Variants in SEMA3C observed in about 807,000 individuals in gnomAD.
SEMA3C encodes the protein semaphorin 3C.
Under a neutral mutation model 89.4 loss-of-function variants are expected in SEMA3C, and 47 were observed. The observed-to-expected ratio is 0.53, with a 90% CI of 0.42 to 0.67. SEMA3C has a LOEUF of 0.67. SEMA3C is among the 30% of genes least tolerant of loss of function. SEMA3C has a pLI of 0.00. For synonymous variants in SEMA3C, 310 were observed against 320.2 expected (o/e 0.97, Z 0.34); for missense variants, 839 against 929.1 (o/e 0.90, Z 1.26).
intron 2 of SEMA3C, among the ~76,000 whole-genome samples, chr7:80,830,849 G>A (rs1230183029): frequency 6.6e-6 from 1 of 152,138 alleles, no homozygotes; most frequent in Non-Finnish European, 1.5e-5. Context: ...CACGTAAGGG[G>A]AGAGGGAAGT....
At chr7:80,871,664 G>C (rs948797520) in intron 2 of SEMA3C, among the ~76,000 whole-genome samples, 3 of 152,118 alleles carry the variant, frequency 2.0e-5, no homozygotes, top group Non-Finnish European at 4.4e-5. Flanking sequence ...GGGCATAAAT[G>C]CTTAAGGTGG....
chr7:80,894,482 C>A (rs765916808), intron 2 of SEMA3C, among the ~76,000 whole-genome samples: 2 of 151,968 alleles, frequency 1.3e-5, no homozygotes, highest in African/African-American at 4.8e-5. Flanking sequence ...CATGTTTCTA[C>A]AAAAAAATTT....
At chr7:80,836,644 T>C (rs1445677442) in intron 2 of SEMA3C, among the ~76,000 whole-genome samples, 2 of 152,162 alleles carry the variant, frequency 1.3e-5, no homozygotes, top group African/African-American at 4.8e-5. Context: ...TGCCACTGCA[T>C]TCCAAGCTGA....
chr7:80,894,057 A>C (rs1370599280), intron 2 of SEMA3C, among the ~76,000 whole-genome samples: 2 of 152,202 alleles, frequency 1.3e-5, no homozygotes, highest in Admixed American at 6.5e-5. Flanking sequence ...AGGATAAACA[A>C]TCTACTTTGC....
intron 2 of SEMA3C, among the ~76,000 whole-genome samples, chr7:80,842,352 G>C (rs1790288887): frequency 6.6e-6 from 1 of 152,120 alleles, no homozygotes; most frequent in Non-Finnish European, 1.5e-5. Flanking sequence ...TTTCAAAAGA[G>C]ATCAGTGTTG....
At chr7:80,821,442 CAG>C (rs1227319635) in intron 4 of SEMA3C, among the ~76,000 whole-genome samples, 2 of 152,034 alleles carry the variant, frequency 1.3e-5, no homozygotes, top group African/African-American at 4.8e-5. Context: ...GGGTGGGCGA[CAG>C]AGTGTCGCTC....
intron 14 of SEMA3C, among the ~76,000 whole-genome samples, chr7:80,760,012 A>G (rs1251898135): frequency 2.0e-5 from 3 of 152,222 alleles, no homozygotes; most frequent in African/African-American, 7.2e-5. Flanking sequence ...TGTTACATGG[A>G]GTAAAAGAAC....
chr7:80,761,456 A>C (rs982860649), intron 14 of SEMA3C, among the ~76,000 whole-genome samples, 160 bp downstream of exon 14: 2 of 152,212 alleles, frequency 1.3e-5, no homozygotes, highest in African/African-American at 2.4e-5. Flanking sequence ...ATACCTTGTA[A>C]GTTCTACATC....
chr7:80,758,208 C>T (rs1349939606), intron 15 of SEMA3C, 123 bp downstream of exon 15: 1 of 1,069,460 alleles, frequency 9.4e-7, no homozygotes, highest in Non-Finnish European at 1.4e-6. Flanking sequence ...TGGTGTTAAA[C>T]ATAGCTTCTA....
At chr7:80,811,605 T>C (rs1789470968) in intron 5 of SEMA3C, among the ~76,000 whole-genome samples, 1 of 152,144 alleles carries the variant, frequency 6.6e-6, no homozygotes, top group Non-Finnish European at 1.5e-5. Flanking sequence ...GGAATCTTAA[T>C]TATCAAGCTA....
At chr7:80,879,950 G>C (rs1188225515) in intron 2 of SEMA3C, among the ~76,000 whole-genome samples, 3 of 152,060 alleles carry the variant, frequency 2.0e-5, no homozygotes, top group Non-Finnish European at 2.9e-5. Context: ...CGGTACCAAC[G>C]AAATGAGATG....
intron 12 of SEMA3C, among the ~76,000 whole-genome samples, chr7:80,782,096 A>C (rs1300176870): frequency 6.6e-6 from 1 of 152,176 alleles, no homozygotes; most frequent in East Asian, 1.9e-4. Context: ...ATGGGCAAAA[A>C]TTTAGTGATA....
intron 2 of SEMA3C, among the ~76,000 whole-genome samples, chr7:80,871,645 T>A (rs988724311): frequency 5.9e-5 from 9 of 152,178 alleles, no homozygotes; most frequent in Non-Finnish European, 1.3e-4. Context: ...GTTCCAATAA[T>A]GGAACACTGG....
At chr7:80,882,850 T>C (rs184557333) in intron 2 of SEMA3C, among the ~76,000 whole-genome samples, 6 of 152,124 alleles carry the variant, frequency 3.9e-5, no homozygotes. Context: ...TGGACAGTTT[T>C]CACATAAAAA....
chr7:80,883,004 A>G (rs1465465392), intron 2 of SEMA3C, among the ~76,000 whole-genome samples: 1 of 152,168 alleles, frequency 6.6e-6, no homozygotes, highest in African/African-American at 2.4e-5. Flanking sequence ...GATACAAAAG[A>G]GGATGCCATG....
intron 17 of SEMA3C, among the ~76,000 whole-genome samples, chr7:80,745,721 TA>T (rs969425429): frequency 1.5e-4 from 23 of 152,070 alleles, no homozygotes; most frequent in Non-Finnish European, 2.8e-4. Flanking sequence ...TTTATATTTA[TA>T]AAAAATACTC....
intron 2 of SEMA3C, among the ~76,000 whole-genome samples, chr7:80,911,913 G>A (rs550452057): frequency 5.8e-4 from 89 of 152,180 alleles, no homozygotes; most frequent in Middle Eastern, 3.4e-3. Flanking sequence ...GATTACAGGC[G>A]TGAGCCCCCG....
intron 12 of SEMA3C, 68 bp downstream of exon 12, chr7:80,789,235 CTTA>C: frequency 8.2e-7 from 1 of 1,225,042 alleles, no homozygotes; most frequent in Non-Finnish European, 1.2e-6. Context: ...GATCATGGCC[CTTA>C]CCTACTACCT....
intron 12 of SEMA3C, among the ~76,000 whole-genome samples, chr7:80,778,421 T>A (rs879019174): frequency 2.6e-5 from 4 of 152,204 alleles, no homozygotes; most frequent in Admixed American, 2.6e-4. Context: ...CTTTACTGTT[T>A]GGGGAGAAGA....
Sources: allele counts gnomAD v4.1 joint callset (sites outside exome capture counted in the v4.1 genomes callset), GRCh38; gene constraint gnomAD v4.1.1; transcripts MANE v1.5; gene names NCBI Gene and HGNC (gene_info 2026-07-23, HGNC 2026-07-21).